The following ROBO2 variants were observed in gnomAD, a reference collection of about 807,000 sequenced individuals.
ROBO2 encodes the protein roundabout homolog 2.
ROBO2 carries 53 observed loss-of-function variants against 160.8 expected under a neutral mutation model. The ratio of observed to expected loss-of-function variants is 0.33; its 90% confidence interval spans 0.26 to 0.41. The LOEUF is 0.41. Ranked by LOEUF, ROBO2 falls within the 10% of genes least tolerant of loss-of-function variation. The probability of loss-of-function intolerance (pLI) is 1.00; values close to 1 mark genes in which losing one functional copy is unlikely to be tolerated. For missense variants in ROBO2, 1,577 were observed against 1,722.4 expected (o/e 0.92, Z 1.49); for synonymous variants, 664 against 611.7 (o/e 1.09, Z -1.26).
intron 2 of ROBO2, among the ~76,000 whole-genome samples, chr3:76,255,689 A>G (rs1024132892): frequency 6.6e-6 from 1 of 152,144 alleles, no homozygotes; most frequent in Non-Finnish European, 1.5e-5. Context: ...TAAATTTAAG[A>G]GTTCAATCGA....
intron 2 of ROBO2, among the ~76,000 whole-genome samples, chr3:76,111,207 T>A (rs2108235643): frequency 6.6e-6 from 1 of 152,096 alleles, no homozygotes; most frequent in Non-Finnish European, 1.5e-5. Flanking sequence ...AGGACCATGT[T>A]AAGACACAGG....
At chr3:75,940,366 T>G (rs1392532931) in intron 2 of ROBO2, among the ~76,000 whole-genome samples, 1 of 152,112 alleles carries the variant, frequency 6.6e-6, no homozygotes, top group Non-Finnish European at 1.5e-5. Context: ...CTGGGGCCCT[T>G]AGGGTCAAAA....
intron 1 of ROBO2, among the ~76,000 whole-genome samples, chr3:77,047,536 A>G (rs2064801350): frequency 6.6e-6 from 1 of 151,324 alleles, no homozygotes; most frequent in African/African-American, 2.4e-5. Context: ...AAAAAATACA[A>G]AAATTGGCTG....
At chr3:76,095,465 G>A (rs2069402104) in intron 2 of ROBO2, among the ~76,000 whole-genome samples, 1 of 151,852 alleles carries the variant, frequency 6.6e-6, no homozygotes, top group Non-Finnish European at 1.5e-5. Context: ...AACCAAATAA[G>A]ACAAGCATAG....
At position 76,444,543 on chromosome 3, in the gene ROBO2, T is replaced by C. The variant is rs536710223; in HGVS notation, c.109+506941T>C. On this transcript the variant is annotated intron_variant, in intron 2 of 26. Coordinates refer to the ROBO2 transcript ENST00000487694. Reference sequence around the variant, plus strand: ...CAGAAGGTGAAGGGAAAGCAAGGCATCTTCTTGCACCTTCTTCACTAGTCA... The same window carrying C: ...CAGAAGGTGAAGGGAAAGCAAGGCACCTTCTTGCACCTTCTTCACTAGTCA... Among the ~76,000 whole-genome samples the C allele has an allele frequency of 1.2e-4, 18 of 152,136 alleles. 1 individual carries two copies. In the East Asian group the frequency reaches 2.5e-3, roughly 21 times the overall value.
At chr3:77,564,529 G>A (rs2093424865) in intron 11 of ROBO2, 1 of 452,656 alleles carries the variant, frequency 2.2e-6, no homozygotes, top group Non-Finnish European at 4.4e-6. Context: ...ACAGGAAAAT[G>A]TATTGGCATA....
intron 2 of ROBO2, among the ~76,000 whole-genome samples, chr3:76,266,361 T>C (rs1325079258): frequency 6.6e-6 from 1 of 152,098 alleles, no homozygotes; most frequent in Non-Finnish European, 1.5e-5. Flanking sequence ...CCTGTTACTG[T>C]AAGGTTATTT....
intron 2 of ROBO2, among the ~76,000 whole-genome samples, chr3:77,156,033 A>G (rs1011558529): frequency 6.6e-6 from 1 of 151,828 alleles, no homozygotes; most frequent in African/African-American, 2.4e-5. Context: ...GCAAATTTTC[A>G]TCTTCCTCTG....
chr3:76,536,739 G>A (rs2082528022), intron 2 of ROBO2, among the ~76,000 whole-genome samples: 1 of 152,146 alleles, frequency 6.6e-6, no homozygotes, highest in South Asian at 2.1e-4. Flanking sequence ...TCTGGGGAGA[G>A]GGGAGAGGTC....
At chr3:76,907,128 T>A (rs1330308412) in intron 2 of ROBO2, among the ~76,000 whole-genome samples, 1 of 152,102 alleles carries the variant, frequency 6.6e-6, no homozygotes, top group African/African-American at 2.4e-5. Flanking sequence ...AATGAATGAA[T>A]GAATGGATGG....
intron 2 of ROBO2, among the ~76,000 whole-genome samples, chr3:76,441,353 G>T (rs2076918779): frequency 6.6e-6 from 1 of 152,142 alleles, no homozygotes; most frequent in African/African-American, 2.4e-5. Context: ...AGTGGAAATG[G>T]CAGAAATTTA....
intron 2 of ROBO2, among the ~76,000 whole-genome samples, chr3:77,102,180 A>C (rs1003333675): frequency 1.3e-5 from 2 of 152,208 alleles, no homozygotes; most frequent in Non-Finnish European, 2.9e-5. Context: ...GAAGTAGCAA[A>C]TGCTGCCGGG....
At chr3:76,573,403 G>T (rs2085070584) in intron 2 of ROBO2, among the ~76,000 whole-genome samples, 2 of 151,972 alleles carry the variant, frequency 1.3e-5, no homozygotes, top group Non-Finnish European at 2.9e-5. Context: ...CTAAGGAATT[G>T]CAACTTTGTT....
chr3:76,785,713 A>G (rs2062930667), intron 2 of ROBO2, among the ~76,000 whole-genome samples: 1 of 151,224 alleles, frequency 6.6e-6, no homozygotes. Flanking sequence ...CCATATTCAT[A>G]ATTTTCACTC....
chr3:76,132,782 T>C (rs2071277859), intron 2 of ROBO2, among the ~76,000 whole-genome samples: 1 of 152,162 alleles, frequency 6.6e-6, no homozygotes, highest in African/African-American at 2.4e-5. Context: ...ATAGAAAATA[T>C]GACTTTGAGC....
At chr3:76,806,505 G>A (rs1203727537) in intron 2 of ROBO2, among the ~76,000 whole-genome samples, 2 of 151,652 alleles carry the variant, frequency 1.3e-5, no homozygotes, top group Non-Finnish European at 2.9e-5. Flanking sequence ...TCTTCAATAA[G>A]TGTTTGCCAA....
At chr3:77,160,439 T>C (rs2078387126) in intron 2 of ROBO2, among the ~76,000 whole-genome samples, 1 of 152,202 alleles carries the variant, frequency 6.6e-6, no homozygotes, top group Non-Finnish European at 1.5e-5. Flanking sequence ...CACATGATTT[T>C]GAGATATTTT....
intron 2 of ROBO2, among the ~76,000 whole-genome samples, chr3:76,409,526 C>T (rs2075380982): frequency 6.6e-6 from 1 of 152,034 alleles, no homozygotes; most frequent in Admixed American, 6.6e-5. Context: ...AGACCATTCT[C>T]TAGCTGTCAA....
chr3:76,213,068 G>A (rs1301368183), intron 2 of ROBO2, among the ~76,000 whole-genome samples: 1 of 152,114 alleles, frequency 6.6e-6, no homozygotes, highest in Non-Finnish European at 1.5e-5. Context: ...GACAGAAGGA[G>A]AGACAAGAAA....
Sources: gnomAD v4.1 joint callset for allele counts (sites outside exome capture counted in the v4.1 genomes callset) on GRCh38, gnomAD v4.1.1 for gene constraint, MANE v1.5 for transcripts, NCBI Gene and HGNC (gene_info 2026-07-23, HGNC 2026-07-21) for gene names.